The following STX8 variants were observed in gnomAD, a reference collection of about 807,000 sequenced individuals.
The protein encoded by STX8 is syntaxin 8, also known as syntaxin-8.
Under a neutral mutation model 37.5 loss-of-function variants are expected in STX8, and 23 were observed. The observed-to-expected ratio is 0.61, with a 90% CI of 0.44 to 0.87. STX8 has a LOEUF of 0.87. Ranked by LOEUF, STX8 falls within the 40% of genes least tolerant of loss-of-function variation. The probability of loss-of-function intolerance (pLI) is 0.00; values close to 1 mark genes in which losing one functional copy is unlikely to be tolerated. For missense variants in STX8, 313 were observed against 284.7 expected, an observed-to-expected ratio of 1.10 and a Z score of -0.71; for synonymous variants, 115 against 99.1, an observed-to-expected ratio of 1.16 and a Z score of -0.95.
intron 5 of STX8, among the ~76,000 whole-genome samples, chr17:9,503,469 A>G (rs1393354034): frequency 3.9e-5 from 6 of 152,200 alleles, no homozygotes; most frequent in Non-Finnish European, 8.8e-5. Flanking sequence ...ATTTATGATC[A>G]TATCAACTAC....
intron 7 of STX8, among the ~76,000 whole-genome samples, chr17:9,319,498 T>A (rs988006703): frequency 6.6e-6 from 1 of 152,016 alleles, no homozygotes; most frequent in Non-Finnish European, 1.5e-5. Flanking sequence ...AAAATTTAAG[T>A]TATACAATAC....
intron 2 of STX8, among the ~76,000 whole-genome samples, chr17:9,560,055 C>A (rs1907163232): frequency 6.6e-6 from 1 of 150,456 alleles, no homozygotes; most frequent in South Asian, 2.1e-4. Flanking sequence ...AGCCACCGCG[C>A]CCAGACTGAA....
chr17:9,375,434 T>G (rs1243874500), intron 7 of STX8, among the ~76,000 whole-genome samples: 2 of 152,182 alleles, frequency 1.3e-5, no homozygotes, highest in Non-Finnish European at 2.9e-5. Flanking sequence ...TCATTATGAC[T>G]TCATGAGTGG....
intron 6 of STX8, among the ~76,000 whole-genome samples, chr17:9,444,755 C>A (rs1904780503): frequency 6.6e-6 from 1 of 152,146 alleles, no homozygotes; most frequent in African/African-American, 2.4e-5. Flanking sequence ...AAAACAATTT[C>A]TTTAGGATAC....
intron 4 of STX8, among the ~76,000 whole-genome samples, chr17:9,514,268 C>T (rs1404800368): frequency 6.6e-6 from 1 of 152,152 alleles, no homozygotes; most frequent in Non-Finnish European, 1.5e-5. Flanking sequence ...GAAAACATCA[C>T]TATGTACCCC....
At chr17:9,411,281 AC>A (rs899895407) in intron 6 of STX8, among the ~76,000 whole-genome samples, 1 of 152,174 alleles carries the variant, frequency 6.6e-6, no homozygotes, top group Non-Finnish European at 1.5e-5. Flanking sequence ...TCTCTGATTA[AC>A]CCTTGAATTC....
intron 5 of STX8, among the ~76,000 whole-genome samples, chr17:9,492,461 G>A (rs145475305): frequency 0.011 from 1,748 of 152,230 alleles, 37 homozygotes; most frequent in African/African-American, 0.039. Flanking sequence ...TTTTACTGAC[G>A]GCCGTATTTC....
intron 7 of STX8, among the ~76,000 whole-genome samples, chr17:9,369,261 A>AT (rs1911328370): frequency 6.6e-6 from 1 of 152,220 alleles, no homozygotes; most frequent in Non-Finnish European, 1.5e-5. Context: ...ATTGATACTG[A>AT]ATTAAGGATG....
intron 7 of STX8, among the ~76,000 whole-genome samples, chr17:9,324,163 AACACAC>A (rs1360325853): frequency 7.6e-6 from 1 of 131,108 alleles, no homozygotes; most frequent in Non-Finnish European, 1.7e-5. Context: ...CACAAACACA[AACACAC>A]ACTCCAGTTG....
chr17:9,399,721 C>T (rs1003479533), intron 6 of STX8, among the ~76,000 whole-genome samples: 1 of 151,860 alleles, frequency 6.6e-6, no homozygotes, highest in South Asian at 2.1e-4. Flanking sequence ...CAAAAATTAG[C>T]TGGGTGTGGC....
intron 6 of STX8, among the ~76,000 whole-genome samples, chr17:9,420,491 C>T (rs1214442362): frequency 1.3e-5 from 2 of 152,162 alleles, no homozygotes; most frequent in Admixed American, 1.3e-4. Context: ...GCCACCGTGG[C>T]CCGCCCACAG....
intron 7 of STX8, among the ~76,000 whole-genome samples, chr17:9,278,034 G>A (rs561341295): frequency 3.9e-5 from 6 of 152,134 alleles, no homozygotes; most frequent in Admixed American, 2.0e-4. Flanking sequence ...AGACTGGACC[G>A]GAGGGTATGG....
chr17:9,441,282 G>A (rs1904639811), intron 6 of STX8, among the ~76,000 whole-genome samples: 1 of 151,838 alleles, frequency 6.6e-6, no homozygotes, highest in Non-Finnish European at 1.5e-5. Flanking sequence ...ACGAGGTTGG[G>A]AGATCAAAAC....
intron 3 of STX8, among the ~76,000 whole-genome samples, chr17:9,549,792 G>C (rs1906690032): frequency 6.6e-6 from 1 of 152,120 alleles, no homozygotes; most frequent in African/African-American, 2.4e-5. Context: ...GCTATGTAAG[G>C]GTTGTTATTA....
At chr17:9,394,384 AT>A (rs111555086) in intron 6 of STX8, among the ~76,000 whole-genome samples, 173 of 147,952 alleles carry the variant, frequency 1.2e-3, no homozygotes, top group African/African-American at 2.6e-3. Flanking sequence ...ATTTAAATTC[AT>A]TTTTTTTTTT....
chr17:9,515,430 C>T (rs922080714), intron 4 of STX8, among the ~76,000 whole-genome samples: 2 of 152,094 alleles, frequency 1.3e-5, no homozygotes, highest in African/African-American at 4.8e-5. Flanking sequence ...AATTAGCATG[C>T]CAAACAGAAG....
At chr17:9,498,284 G>A (rs1352069138) in intron 5 of STX8, among the ~76,000 whole-genome samples, 2 of 151,998 alleles carry the variant, frequency 1.3e-5, no homozygotes, top group Admixed American at 6.6e-5. Context: ...CAGCTACTTG[G>A]GAGGCTGAGG....
intron 7 of STX8, among the ~76,000 whole-genome samples, chr17:9,373,938 T>TA (rs76173982): frequency 0.13 from 13,811 of 105,200 alleles, 2,169 homozygotes; most frequent in African/African-American, 0.38. Context: ...GAACTCTATC[T>TA]AAAAAAAAAA....
intron 6 of STX8, among the ~76,000 whole-genome samples, chr17:9,405,085 A>G (rs1912758387): frequency 1.3e-5 from 2 of 152,130 alleles, no homozygotes; most frequent in Non-Finnish European, 2.9e-5. Flanking sequence ...AGTTTTCTCC[A>G]GCAGGAAATT....
Sources: allele counts gnomAD v4.1 joint callset (sites outside exome capture counted in the v4.1 genomes callset), GRCh38; gene constraint gnomAD v4.1.1; transcripts MANE v1.5; gene names NCBI Gene and HGNC (gene_info 2026-07-23, HGNC 2026-07-21).